OPHN1: variants seen among roughly 807,000 people sequenced by gnomAD.
The protein encoded by OPHN1 is oligophrenin-1.
A neutral mutation model predicts 60.7 loss-of-function variants in OPHN1; 11 were observed. The observed-to-expected ratio is 0.18, with a 90% CI of 0.11 to 0.30. The LOEUF (loss-of-function observed/expected upper bound fraction) is 0.30, where lower values mean the gene tolerates loss of function less well. Ranked by LOEUF, OPHN1 falls within the 10% of genes least tolerant of loss-of-function variation. The pLI is 1.00. For synonymous variants in OPHN1, 226 were observed against 222.6 expected, an observed-to-expected ratio of 1.02 and a Z score of -0.14; for missense variants, 449 against 611.0, an observed-to-expected ratio of 0.73 and a Z score of 2.80.
intron 15 of OPHN1, among the ~76,000 whole-genome samples, chrX:68,169,279 T>G (rs1301854047): frequency 9.9e-5 from 11 of 110,571 alleles, no homozygotes; most frequent in African/African-American, 2.3e-4. Flanking sequence ...TGAAATAAAA[T>G]AGGATACAAA....
In OPHN1 at chrX:68,262,856, G is replaced by GGACAA. The variant is rs1469383315; in HGVS notation, c.384+11881_384+11882insTTGTC. ...GGACAGGACAGGACAGGACAGGACA[G>GGACAA]GACAGGACAGGACAGGAAAGGAAAG... On this transcript the variant is annotated intron_variant, in intron 5 of 24. Transcript: ENST00000355520. Among the ~76,000 whole-genome samples the GGACAA allele has an allele frequency of 6.3e-5, 7 of 110,661 alleles. No homozygotes were observed. The Admixed American group carries it at 6.8e-4, about 11-fold the overall frequency.
At chrX:68,127,034 A>T (rs965956328) in intron 15 of OPHN1, among the ~76,000 whole-genome samples, 6 of 112,381 alleles carry the variant, frequency 5.3e-5, no homozygotes, top group South Asian at 7.4e-4. Context: ...AGAACAAACT[A>T]AAAAGGTTCT....
intron 15 of OPHN1, among the ~76,000 whole-genome samples, chrX:68,167,663 A>T (rs1371239144): frequency 9.2e-6 from 1 of 108,311 alleles, no homozygotes; most frequent in East Asian, 2.9e-4. Flanking sequence ...GCATGTATAC[A>T]TATATATGCA....
At chrX:68,107,338 T>C (rs2077085721) in intron 18 of OPHN1, among the ~76,000 whole-genome samples, 1 of 111,713 alleles carries the variant, frequency 9.0e-6, no homozygotes, top group African/African-American at 3.3e-5. Context: ...TTTTGAAAAG[T>C]CCAAGCCTTT....
At chrX:68,305,805 C>T (rs767259314) in intron 2 of OPHN1, among the ~76,000 whole-genome samples, 73 of 112,100 alleles carry the variant, frequency 6.5e-4, no homozygotes, top group African/African-American at 2.1e-3. Context: ...AATAAGCATA[C>T]AATAACAAAC....
intron 19 of OPHN1, among the ~76,000 whole-genome samples, chrX:68,076,780 A>G (rs1029323895): frequency 4.6e-4 from 51 of 112,053 alleles, no homozygotes; most frequent in African/African-American, 1.6e-3. Flanking sequence ...TGAATAGACA[A>G]CCAAATTTTG....
chrX:68,148,149 G>A (rs754015921), intron 15 of OPHN1, among the ~76,000 whole-genome samples: 5 of 111,180 alleles, frequency 4.5e-5, no homozygotes, highest in Non-Finnish European at 7.6e-5. Flanking sequence ...GCCAGTGATG[G>A]AAGGAAGATG....
chrX:68,071,875 G>A, intron 20 of OPHN1: 1 of 312,424 alleles, frequency 3.2e-6, no homozygotes. Context: ...AGGATGTGCT[G>A]TTACTGGCTG....
chrX:68,096,640 C>A (rs2077039167), intron 19 of OPHN1, among the ~76,000 whole-genome samples: 1 of 111,553 alleles, frequency 9.0e-6, no homozygotes, highest in Non-Finnish European at 1.9e-5. Context: ...TTCTTCATTA[C>A]CCCCAGTATT....
intron 15 of OPHN1, among the ~76,000 whole-genome samples, chrX:68,191,000 A>T (rs1205342446): frequency 8.9e-6 from 1 of 111,987 alleles, no homozygotes; most frequent in Non-Finnish European, 1.9e-5. Flanking sequence ...AACATCCTCA[A>T]ATGTGAGTAG....
chrX:68,270,281 C>T (rs2086339140), intron 5 of OPHN1, among the ~76,000 whole-genome samples: 1 of 110,838 alleles, frequency 9.0e-6, no homozygotes, highest in Admixed American at 9.6e-5. Flanking sequence ...TATAAAGACA[C>T]ATGCACACAT....
Position 68,171,290 on chromosome X carries a change from T to A in OPHN1, c.1276+21629A>T, listed in dbSNP as rs1013696557. On this transcript the variant is annotated intron_variant, in intron 15 of 24. Coordinates refer to ENST00000355520, the MANE Select transcript of OPHN1 (RefSeq NM_002547.3). ...AAAATTAATAATTTTAAAAAAAATT[T>A]AAAAAAATGAAAACATATATATTGA... 2.7e-5 allele frequency among the ~76,000 whole-genome samples: 3 copies of A among 110,302 alleles called. No individual in the cohort carries two copies. In the Admixed American group the frequency reaches 2.9e-4, roughly 11 times the overall value.
chrX:68,324,192 A>G (rs2078248020), intron 2 of OPHN1, among the ~76,000 whole-genome samples: 1 of 111,942 alleles, frequency 8.9e-6, no homozygotes, highest in African/African-American at 3.2e-5. Flanking sequence ...ACATGATATT[A>G]CCAGTAAGAA....
rs1288473427 is a variant in OPHN1, at chrX:68,192,904, A to T, written c.1276+15T>A. The T allele has an allele frequency of 8.5e-7, 1 of 1,178,555 alleles. No individual in the cohort carries two copies. Among genetic ancestry groups the T allele is most frequent in the South Asian group, 1.8e-5 (1 of 56,214 alleles). Reference sequence around the variant, plus strand: ...AAAGTACTCCCAATAAGAATTATCAAAGTAAAATTGTTACCAAAAAAGGCA... The same window carrying T: ...AAAGTACTCCCAATAAGAATTATCATAGTAAAATTGTTACCAAAAAAGGCA... On this transcript the variant is annotated intron_variant, in intron 15 of 24. Transcript: ENST00000355520.
intron 21 of OPHN1, among the ~76,000 whole-genome samples, chrX:68,059,673 C>A (rs2076885970): frequency 1.8e-5 from 2 of 111,870 alleles, no homozygotes; most frequent in Admixed American, 1.9e-4. Context: ...ACATTAGTCA[C>A]CTCAGTGGAG....
intron 19 of OPHN1, among the ~76,000 whole-genome samples, chrX:68,092,871 TGA>T (rs911346139): frequency 4.5e-5 from 5 of 111,128 alleles, no homozygotes; most frequent in Non-Finnish European, 9.5e-5. Context: ...ATACTAATGA[TGA>T]GATGCTGTGT....
chrX:68,379,066 C>T (rs1413288652), intron 2 of OPHN1, among the ~76,000 whole-genome samples: 8 of 110,926 alleles, frequency 7.2e-5, no homozygotes, highest in Non-Finnish European at 1.1e-4. Context: ...TACCCATGAG[C>T]ATGGAATGTT....
At chrX:68,273,708 T>C (rs1162823909) in intron 5 of OPHN1, among the ~76,000 whole-genome samples, 1 of 112,117 alleles carries the variant, frequency 8.9e-6, no homozygotes, top group Non-Finnish European at 1.9e-5. Flanking sequence ...CTAGACAGCA[T>C]AGCTTAATGT....
At chrX:68,369,395 T>C (rs1450923192) in intron 2 of OPHN1, among the ~76,000 whole-genome samples, 1 of 109,831 alleles carries the variant, frequency 9.1e-6, no homozygotes, top group Non-Finnish European at 1.9e-5. Flanking sequence ...ATATCCAGGG[T>C]TAACACATTA....
Sources: allele counts gnomAD v4.1 joint callset (sites outside exome capture counted in the v4.1 genomes callset), GRCh38; gene constraint gnomAD v4.1.1; transcripts MANE v1.5; gene names NCBI Gene and HGNC (gene_info 2026-07-23, HGNC 2026-07-21).